Variants in ADAP2 observed in about 807,000 individuals in gnomAD.
The protein encoded by ADAP2 is arf-GAP with dual PH domain-containing protein 2.
In ADAP2, 42 loss-of-function variants were observed where a neutral mutation model predicts 54.9. The ratio of observed to expected loss-of-function variants is 0.77; its 90% CI spans 0.60 to 0.99. The LOEUF is 0.99. ADAP2 is among the 50% of genes least tolerant of loss of function. The pLI is 0.00. For synonymous variants in ADAP2, 177 were observed against 180.1 expected (o/e 0.98, Z 0.14); for missense variants, 429 against 480.4 (o/e 0.89, Z 1.00).
intron 5 of ADAP2, among the ~76,000 whole-genome samples, chr17:30,937,618 G>T (rs1336557641): frequency 6.6e-6 from 1 of 152,202 alleles, no homozygotes; most frequent in African/African-American, 2.4e-5. Flanking sequence ...TCAGGAAGCT[G>T]TTGCAATAAC....
At chr17:30,929,475 C>T (rs1911320197) in intron 3 of ADAP2, among the ~76,000 whole-genome samples, 1 of 152,184 alleles carries the variant, frequency 6.6e-6, no homozygotes, top group African/African-American at 2.4e-5. Flanking sequence ...ACTAAACAGA[C>T]ATTACCCACC....
Position 30,958,589 on chromosome 17 carries a change from TAAG to T in ADAP2, c.*722_*724del, listed in dbSNP as rs1461380428. ...AGACCCAAGGAGCTGGGAGGTCTCT[TAAG>T]AGACTCTCTGATTCTCCGTGGCTGG... On this transcript the variant is annotated 3_prime_UTR_variant, in exon 11 of 11. Transcript: ENST00000330889. 1 of 152,226 alleles carries T rather than the reference TAAG, an allele frequency of 6.6e-6. No individual in the cohort carries two copies. The highest frequency in any genetic ancestry group is 1.9e-4 in the East Asian group (1 of 5,196). 9.4% of individuals were successfully genotyped at this position (152,226 alleles called of 1,614,324 possible). A position where few individuals can be genotyped will look rare whatever the true frequency, so the allele number is the denominator to read the frequency against.
chr17:30,935,449 G>A (rs930740663), intron 5 of ADAP2, among the ~76,000 whole-genome samples: 15 of 152,150 alleles, frequency 9.9e-5, no homozygotes, highest in African/African-American at 3.6e-4. Flanking sequence ...GAGTGCTGCT[G>A]CAGAGTGATC....
intron 7 of ADAP2, among the ~76,000 whole-genome samples, chr17:30,950,438 C>G (rs1176366324): frequency 6.6e-6 from 1 of 152,176 alleles, no homozygotes; most frequent in Non-Finnish European, 1.5e-5. Context: ...CCTGGCACCC[C>G]TCTGAGCTTC....
intron 3 of ADAP2, among the ~76,000 whole-genome samples, chr17:30,928,190 CAAAA>C (rs1168453604): frequency 3.0e-5 from 1 of 33,226 alleles, no homozygotes; most frequent in Non-Finnish European, 5.9e-5. Context: ...GAGACTGTCT[CAAAA>C]AAAAAAAAAA....
chr17:30,948,597 C>T (rs910988963), intron 6 of ADAP2, among the ~76,000 whole-genome samples: 11 of 152,046 alleles, frequency 7.2e-5, no homozygotes, highest in African/African-American at 2.7e-4. Flanking sequence ...AGGAAAATCA[C>T]TCAGGCTGCC....
At chr17:30,951,542 C>A (rs939796008) in intron 7 of ADAP2, among the ~76,000 whole-genome samples, 1 of 151,994 alleles carries the variant, frequency 6.6e-6, no homozygotes, top group African/African-American at 2.4e-5. Context: ...ACTTATGTTG[C>A]CCAGGCTGGT....
chr17:30,925,903 GT>G (rs1463412991), intron 2 of ADAP2, among the ~76,000 whole-genome samples: 1 of 151,954 alleles, frequency 6.6e-6, no homozygotes, highest in Non-Finnish European at 1.5e-5. Context: ...GCTAATTTTT[GT>G]ATTTTTTTAG....
intron 10 of ADAP2, 199 bp downstream of exon 10, chr17:30,956,668 C>A: frequency 1.6e-6 from 1 of 624,090 alleles, no homozygotes; most frequent in Non-Finnish European, 2.7e-6. Flanking sequence ...ACTCTGGGTT[C>A]CCCTAACCGA....
chr17:30,946,899 C>T (rs1912720288), intron 6 of ADAP2, among the ~76,000 whole-genome samples: 1 of 152,116 alleles, frequency 6.6e-6, no homozygotes, highest in South Asian at 2.1e-4. Flanking sequence ...TCCTAAGGGG[C>T]CCCTAGCACC....
intron 8 of ADAP2, 38 bp from the exon 9 acceptor site, chr17:30,954,440 A>C: frequency 6.3e-7 from 1 of 1,594,536 alleles, no homozygotes; most frequent in South Asian, 1.1e-5. Context: ...TCAGAAACTG[A>C]CCTGGTCATC....
chr17:30,945,060 T>C lies in ADAP2; in HGVS notation c.657+7T>C, dbSNP rs1463360940. On this transcript the variant is annotated splice_region_variant and intron_variant, in intron 6 of 10. Transcript: ENST00000330889. ...GTATCATGAAAGTGGGAAGGTGAGA[T>C]GCCTGGAGTTGCCACCTCCGCCTCC... 6.2e-7 allele frequency: 1 copy of C among 1,613,164 alleles called. No homozygotes were observed. The highest frequency in any genetic ancestry group is 1.3e-5 in the African/African-American group (1 of 74,884).
chr17:30,955,837 C>T (rs1018030055), intron 9 of ADAP2, among the ~76,000 whole-genome samples: 2 of 151,574 alleles, frequency 1.3e-5, no homozygotes, highest in Non-Finnish European at 2.9e-5. Context: ...TGGGATGAGC[C>T]ATGATTGTGC....
chr17:30,955,278 T>TA (rs1256876808), intron 9 of ADAP2, among the ~76,000 whole-genome samples: 1,571 of 145,254 alleles, frequency 0.011, 25 homozygotes, highest in African/African-American at 0.036. Flanking sequence ...CCCAGCTAAT[T>TA]AAAAAAAAAA....
intron 3 of ADAP2, among the ~76,000 whole-genome samples, chr17:30,931,106 A>G (rs571381049): frequency 6.6e-6 from 1 of 152,302 alleles, no homozygotes; most frequent in East Asian, 1.9e-4. Flanking sequence ...CTTCATGGGC[A>G]GGTACAGGAA....
At chr17:30,927,464 A>C (rs1004860902) in intron 3 of ADAP2, among the ~76,000 whole-genome samples, 5 of 151,748 alleles carry the variant, frequency 3.3e-5, no homozygotes, top group Admixed American at 6.6e-5. Flanking sequence ...ATACAAAAAA[A>C]ATTTAGCCGG....
At chr17:30,949,983 C>T (rs1904506606) in intron 7 of ADAP2, among the ~76,000 whole-genome samples, 1 of 152,134 alleles carries the variant, frequency 6.6e-6, no homozygotes, top group Admixed American at 6.5e-5. Flanking sequence ...AACCCTTCTC[C>T]CTCTAAAATG....
At chr17:30,948,350 G>C (rs952511422) in intron 6 of ADAP2, among the ~76,000 whole-genome samples, 5 of 152,014 alleles carry the variant, frequency 3.3e-5, no homozygotes, top group Non-Finnish European at 7.4e-5. Flanking sequence ...AGGCCGAGGC[G>C]GGCAGATCAC....
chr17:30,923,677 CT>C (rs1313809286), intron 2 of ADAP2, among the ~76,000 whole-genome samples: 3 of 138,772 alleles, frequency 2.2e-5, no homozygotes, highest in African/African-American at 2.7e-5. Flanking sequence ...CACCATTTCT[CT>C]TTTTTTCTTT....
Sources: gnomAD v4.1 joint callset for allele counts (sites outside exome capture counted in the v4.1 genomes callset) on GRCh38, gnomAD v4.1.1 for gene constraint, MANE v1.5 for transcripts, NCBI Gene and HGNC (gene_info 2026-07-23, HGNC 2026-07-21) for gene names.